The following SLCO1B3 variants were observed in gnomAD, a reference collection of about 807,000 sequenced individuals.
SLCO1B3 encodes liver-specific organic anion transporter 2.
SLCO1B3 carries 72 observed loss-of-function variants against 71.8 expected under a neutral mutation model. The observed-to-expected ratio is 1.00, with a 90% CI of 0.83 to 1.22. The LOEUF is 1.22. Among genes scored for constraint, SLCO1B3 ranks in the 50% most tolerant of loss-of-function variants. The pLI, the probability that SLCO1B3 is intolerant of heterozygous loss-of-function variation, is 0.00. For synonymous variants in SLCO1B3, 298 were observed against 278.4 expected (o/e 1.07, Z -0.70); for missense variants, 911 against 819.7 (o/e 1.11, Z -1.36).
intron 3 of SLCO1B3, among the ~76,000 whole-genome samples, chr12:20,822,480 A>G (rs1015017879): frequency 4.6e-5 from 7 of 152,110 alleles, no homozygotes; most frequent in African/African-American, 1.4e-4. Context: ...ACAAATCACA[A>G]TGGTGGAATG....
At chr12:20,908,579 G>C (rs1484182437) in intron 15 of SLCO1B3, among the ~76,000 whole-genome samples, 1 of 152,138 alleles carries the variant, frequency 6.6e-6, no homozygotes, top group African/African-American at 2.4e-5. Flanking sequence ...GAAACCAATA[G>C]TCTCTTTACT....
chr12:20,848,165 A>G (rs1405811260), intron 3 of SLCO1B3, among the ~76,000 whole-genome samples: 1 of 152,226 alleles, frequency 6.6e-6, no homozygotes, highest in Non-Finnish European at 1.5e-5. Flanking sequence ...CCAATTATAA[A>G]ATGGGAAAAA....
At chr12:20,897,286 T>C (rs926051434) in intron 13 of SLCO1B3, among the ~76,000 whole-genome samples, 2 of 152,196 alleles carry the variant, frequency 1.3e-5, no homozygotes, top group African/African-American at 2.4e-5. Flanking sequence ...TTTAATTTAG[T>C]TTTTGTCTTT....
intron 14 of SLCO1B3, 41 bp downstream of exon 14, chr12:20,898,541 A>AT: frequency 1.0e-6 from 1 of 1,002,912 alleles, no homozygotes; most frequent in Non-Finnish European, 1.5e-6. Flanking sequence ...ACATATAAAT[A>AT]TTAATGTTAA....
At position 20,901,425 on chromosome 12, in the gene SLCO1B3, G is replaced by A; in HGVS notation, c.1823G>A (p.Gly608Glu). Reference sequence around the variant, plus strand: ...ATGAAGTGGTCCACCAACAGCTGTGGAGCACAAGGGGCTTGTAGGATATAT... The same window carrying A: ...ATGAAGTGGTCCACCAACAGCTGTGAAGCACAAGGGGCTTGTAGGATATAT... ...TCMKWSTNSC[G>E]AQGACRIYNS... Residue 608 changes from glycine to glutamate, a missense_variant, in exon 15 of 16, where the codon GGA (glycine) becomes GAA (glutamate). Gly to Glu is a moderately conservative substitution (Grantham distance 98). Coordinates refer to ENST00000381545, the MANE Select transcript of SLCO1B3 (RefSeq NM_019844.4). 6.3e-7 allele frequency: 1 copy of A among 1,578,142 alleles called. No individual in the cohort carries two copies. Among genetic ancestry groups the A allele is most frequent in the South Asian group, 1.2e-5 (1 of 82,334 alleles).
intron 9 of SLCO1B3, 95 bp from the exon 10 acceptor site, chr12:20,877,677 T>A: frequency 2.0e-6 from 1 of 491,230 alleles, no homozygotes; most frequent in Non-Finnish European, 3.1e-6. Flanking sequence ...TCACAAATCA[T>A]TTGTAACTTT....
chr12:20,838,488 A>G (rs1268638742), intron 3 of SLCO1B3, among the ~76,000 whole-genome samples: 1 of 152,074 alleles, frequency 6.6e-6, no homozygotes, highest in East Asian at 1.9e-4. Flanking sequence ...ATTAAATGAC[A>G]GGAATGCATT....
At chr12:20,837,507 A>T (rs1864709154) in intron 3 of SLCO1B3, among the ~76,000 whole-genome samples, 1 of 152,056 alleles carries the variant, frequency 6.6e-6, no homozygotes, top group Non-Finnish European at 1.5e-5. Flanking sequence ...AACTTTGATG[A>T]ATTGTGTTTT....
intron 15 of SLCO1B3, among the ~76,000 whole-genome samples, chr12:20,902,663 A>G (rs1180946352): frequency 6.6e-6 from 1 of 152,186 alleles, no homozygotes; most frequent in Non-Finnish European, 1.5e-5. Context: ...TAAAAACTGC[A>G]TTACACAAGG....
intron 3 of SLCO1B3, among the ~76,000 whole-genome samples, chr12:20,827,985 G>T (rs1055728352): frequency 6.6e-6 from 1 of 152,184 alleles, no homozygotes; most frequent in Non-Finnish European, 1.5e-5. Context: ...AGAGAGTGGT[G>T]TGCTAGAGGG....
At chr12:20,816,588 G>A (rs577398924) in intron 3 of SLCO1B3, among the ~76,000 whole-genome samples, 6 of 151,732 alleles carry the variant, frequency 4.0e-5, no homozygotes, top group Admixed American at 1.3e-4. Flanking sequence ...TTTTTTTTAC[G>A]CATTCATCTG....
intron 3 of SLCO1B3, among the ~76,000 whole-genome samples, chr12:20,819,476 A>G (rs1313435556): frequency 2.0e-5 from 3 of 152,176 alleles, no homozygotes; most frequent in African/African-American, 7.2e-5. Flanking sequence ...GTGCAAAAGA[A>G]TAGTAAAGAA....
intron 3 of SLCO1B3, among the ~76,000 whole-genome samples, chr12:20,832,074 C>G (rs541148561): frequency 1.3e-5 from 2 of 152,318 alleles, no homozygotes; most frequent in East Asian, 3.9e-4. Flanking sequence ...TCCATGCTCT[C>G]AACTCTGTTT....
chr12:20,877,189 A>G (rs1316018287), intron 9 of SLCO1B3, among the ~76,000 whole-genome samples: 1 of 152,126 alleles, frequency 6.6e-6, no homozygotes, highest in Non-Finnish European at 1.5e-5. Context: ...CAAAAAGAAT[A>G]AAGAAGATAA....
chr12:20,833,810 A>T (rs909254181), intron 3 of SLCO1B3, among the ~76,000 whole-genome samples: 1 of 147,148 alleles, frequency 6.8e-6, no homozygotes, highest in South Asian at 2.1e-4. Context: ...GTGTGTGTAT[A>T]TATCTATATA....
intron 13 of SLCO1B3, among the ~76,000 whole-genome samples, chr12:20,890,184 G>T (rs1045696011): frequency 6.6e-6 from 1 of 151,888 alleles, no homozygotes; most frequent in African/African-American, 2.4e-5. Flanking sequence ...CTCCCAAAGT[G>T]CTAGGATTAC....
chr12:20,915,952 A>G (rs1591796670), intron 15 of SLCO1B3, 52 bp from the exon 16 acceptor site: 1 of 1,423,552 alleles, frequency 7.0e-7, no homozygotes, highest in Non-Finnish European at 9.6e-7. Flanking sequence ...AAAATGTAAG[A>G]TATTTTACAC....
chr12:20,829,625 G>C (rs964575742), intron 3 of SLCO1B3, among the ~76,000 whole-genome samples: 4 of 152,196 alleles, frequency 2.6e-5, no homozygotes, highest in Admixed American at 2.6e-4. Flanking sequence ...ACAAGAGAGG[G>C]TTCTTGGATC....
chr12:20,826,216 C>A (rs895489657), intron 3 of SLCO1B3, among the ~76,000 whole-genome samples: 7 of 100,852 alleles, frequency 6.9e-5, no homozygotes, highest in South Asian at 4.5e-4. Context: ...TTTATTTAGA[C>A]CTTTAAGGTA....
Sources: allele counts gnomAD v4.1 joint callset (sites outside exome capture counted in the v4.1 genomes callset), GRCh38; gene constraint gnomAD v4.1.1; transcripts MANE v1.5; gene names NCBI Gene and HGNC (gene_info 2026-07-23, HGNC 2026-07-21).